The following WIPF1 variants were observed in gnomAD, a reference collection of about 807,000 sequenced individuals.
The protein encoded by WIPF1 is WAS/WASL-interacting protein family member 1.
In WIPF1, 13 loss-of-function variants were observed where a neutral mutation model predicts 35.4. That is an observed-to-expected ratio of 0.37 (90% CI 0.24 to 0.58). WIPF1 has a LOEUF of 0.58. Ranked by LOEUF, WIPF1 falls within the 20% of genes least tolerant of loss-of-function variation. WIPF1 has a pLI of 0.74. For synonymous variants in WIPF1, 267 were observed against 266.3 expected (o/e 1.00, Z -0.02); for missense variants, 591 against 667.0 (o/e 0.89, Z 1.25).
chr2:174,657,448 T>C (rs1687665551), intron 1 of WIPF1, among the ~76,000 whole-genome samples: 1 of 152,204 alleles, frequency 6.6e-6, no homozygotes, highest in Admixed American at 6.5e-5. Context: ...GCTGCATGCT[T>C]GGGAAGGGAA....
intron 4 of WIPF1, among the ~76,000 whole-genome samples, chr2:174,572,728 T>G (rs190385766): frequency 1.3e-5 from 2 of 152,260 alleles, no homozygotes; most frequent in Non-Finnish European, 2.9e-5. Context: ...CAGGATGAAG[T>G]GGGCGAGAGT....
At chr2:174,580,294 T>TCA (rs1685194087) in intron 3 of WIPF1, among the ~76,000 whole-genome samples, 1 of 152,174 alleles carries the variant, frequency 6.6e-6, no homozygotes. Context: ...CGCAGCACTT[T>TCA]GCCCGGTAAC....
intron 1 of WIPF1, among the ~76,000 whole-genome samples, chr2:174,674,777 G>C (rs1326593374): frequency 6.6e-6 from 1 of 152,042 alleles, no homozygotes; most frequent in Non-Finnish European, 1.5e-5. Flanking sequence ...CAAAGATATG[G>C]GGAAACAGAT....
At chr2:174,645,144 G>T (rs1687379911) in intron 1 of WIPF1, among the ~76,000 whole-genome samples, 2 of 152,156 alleles carry the variant, frequency 1.3e-5, no homozygotes, top group African/African-American at 2.4e-5. Context: ...TACCTTAAAA[G>T]AGTGTTTCTG....
At chr2:174,572,467 C>T (rs777672684) in intron 4 of WIPF1, 21 bp from the exon 5 acceptor site, 2 of 1,613,790 alleles carry the variant, frequency 1.2e-6, no homozygotes, top group African/African-American at 2.7e-5. Context: ...GGAAAACAAA[C>T]ATCAGTTAGG....
chr2:174,645,897 T>G (rs940781799), intron 1 of WIPF1, among the ~76,000 whole-genome samples: 2 of 152,226 alleles, frequency 1.3e-5, no homozygotes, highest in Admixed American at 1.3e-4. Context: ...AATGGCAAAT[T>G]TCCTTGTTCA....
At chr2:174,584,542 C>T (rs1313631022) in intron 2 of WIPF1, among the ~76,000 whole-genome samples, 2 of 152,144 alleles carry the variant, frequency 1.3e-5, no homozygotes, top group Non-Finnish European at 2.9e-5. Context: ...TATCTTGGGG[C>T]CTTTCCATAT....
intron 6 of WIPF1, 99 bp downstream of exon 6, chr2:174,567,762 G>A: frequency 7.5e-7 from 1 of 1,324,710 alleles, no homozygotes; most frequent in Non-Finnish European, 1.0e-6. Flanking sequence ...TGATAATGAT[G>A]GAACAAGAAA....
At chr2:174,623,433 T>C (rs1574842977) in intron 1 of WIPF1, 1 of 152,234 alleles carries the variant, frequency 6.6e-6, no homozygotes, top group Admixed American at 6.5e-5. Flanking sequence ...TGACTGGCTG[T>C]TGGTTACAGG....
chr2:174,609,699 G>A (rs1435416923), intron 1 of WIPF1, among the ~76,000 whole-genome samples: 1 of 152,196 alleles, frequency 6.6e-6, no homozygotes, highest in Non-Finnish European at 1.5e-5. Context: ...ATTTTGAAGA[G>A]GGCATTAGAA....
At chr2:174,654,611 C>CTT (rs984328103) in intron 1 of WIPF1, among the ~76,000 whole-genome samples, 1 of 147,212 alleles carries the variant, frequency 6.8e-6, no homozygotes, top group Non-Finnish European at 1.5e-5. Context: ...TACTTTATTC[C>CTT]TTTTTTTTTT....
At chr2:174,635,855 C>T (rs189557890) in intron 1 of WIPF1, among the ~76,000 whole-genome samples, 149 of 152,032 alleles carry the variant, frequency 9.8e-4, no homozygotes, top group African/African-American at 3.5e-3. Context: ...GGGAGAATAC[C>T]GAGTAAGGAA....
chr2:174,580,692 T>C lies in WIPF1; in HGVS notation c.181+618A>G, dbSNP rs370066953. Among the ~76,000 whole-genome samples the C allele has an allele frequency of 3.9e-5, 6 of 152,366 alleles. No individual in the cohort carries two copies. The South Asian group carries it at 1.2e-3, about 32-fold the overall frequency. On this transcript the variant is annotated intron_variant, in intron 3 of 7. Coordinates refer to ENST00000679041, the MANE Select transcript of WIPF1 (RefSeq NM_001375834.1). ...TTTTTTGTCCTGTTGTAAATGTTAA[T>C]AAGTAGCTTTGTTCCAGAAAGTACC... is the stretch of plus-strand genomic sequence containing the variant.
At chr2:174,598,615 T>G (rs1685897943), upstream of WIPF1, among the ~76,000 whole-genome samples, 1 of 152,168 alleles carries the variant, frequency 6.6e-6, no homozygotes, top group Non-Finnish European at 1.5e-5. Flanking sequence ...CTACCATACT[T>G]GGCAGCAAAT....
intron 4 of WIPF1, among the ~76,000 whole-genome samples, chr2:174,574,462 C>T (rs1559148225): frequency 6.6e-6 from 1 of 152,104 alleles, no homozygotes; most frequent in African/African-American, 2.4e-5. Flanking sequence ...TTCATTCTTT[C>T]CCAGGGGACA....
chr2:174,602,352 A>C (rs1686036152), upstream of WIPF1, among the ~76,000 whole-genome samples: 1 of 152,236 alleles, frequency 6.6e-6, no homozygotes, highest in Non-Finnish European at 1.5e-5. Flanking sequence ...CAACAGTGGC[A>C]TGTGTAAAAT....
intron 1 of WIPF1, among the ~76,000 whole-genome samples, chr2:174,606,471 C>T (rs533857756): frequency 1.3e-5 from 2 of 152,284 alleles, no homozygotes; most frequent in Admixed American, 1.3e-4. Context: ...AGAGCCACTA[C>T]CACACTGGGC....
At chr2:174,675,694 AT>A (rs1688114384) in intron 1 of WIPF1, among the ~76,000 whole-genome samples, 1 of 152,138 alleles carries the variant, frequency 6.6e-6, no homozygotes, top group Admixed American at 6.6e-5. Context: ...AAAGAGTCAT[AT>A]TTTCAGCAAA....
intron 1 of WIPF1, among the ~76,000 whole-genome samples, chr2:174,588,069 C>A (rs1312100231): frequency 6.6e-6 from 1 of 152,196 alleles, no homozygotes; most frequent in Admixed American, 6.5e-5. Context: ...TCCAGCGGCA[C>A]ATTCAGAGGC....
Sources: gnomAD v4.1 joint callset for allele counts (sites outside exome capture counted in the v4.1 genomes callset) on GRCh38, gnomAD v4.1.1 for gene constraint, MANE v1.5 for transcripts, NCBI Gene and HGNC (gene_info 2026-07-23, HGNC 2026-07-21) for gene names.